Variants in UNC5C observed in about 807,000 individuals in gnomAD.
UNC5C encodes the protein unc-5 netrin receptor C.
UNC5C carries 47 observed loss-of-function variants against 99.8 expected under a neutral mutation model. That is an observed-to-expected ratio of 0.47 (90% CI 0.37 to 0.60). The LOEUF (loss-of-function observed/expected upper bound fraction) is 0.60. Among genes scored for constraint, UNC5C ranks in the 20% least tolerant of loss-of-function variants. The probability of loss-of-function intolerance (pLI) is 0.00; values close to 1 mark genes in which losing one functional copy is unlikely to be tolerated. For synonymous variants in UNC5C, 487 were observed against 452.2 expected (o/e 1.08, Z -0.98); for missense variants, 1,062 against 1,165.9 (o/e 0.91, Z 1.30).
intron 1 of UNC5C, among the ~76,000 whole-genome samples, chr4:95,445,952 CAAAG>C (rs1747088858): frequency 8.7e-6 from 1 of 114,780 alleles, no homozygotes; most frequent in South Asian, 3.1e-4. Flanking sequence ...TGGAAGATAA[CAAAG>C]AGCCTGCAAA....
intron 1 of UNC5C, among the ~76,000 whole-genome samples, chr4:95,407,352 A>G (rs1745859559): frequency 6.6e-6 from 1 of 152,086 alleles, no homozygotes; most frequent in Non-Finnish European, 1.5e-5. Context: ...TAAAACATAC[A>G]ATGGGATGTG....
intron 4 of UNC5C, among the ~76,000 whole-genome samples, chr4:95,266,914 C>T (rs535064914): frequency 4.6e-5 from 7 of 152,090 alleles, no homozygotes; most frequent in Admixed American, 6.5e-5. Flanking sequence ...CTTGACTTTC[C>T]GTAGTCATTT....
chr4:95,476,520 T>C (rs1045338883), intron 1 of UNC5C, among the ~76,000 whole-genome samples: 1 of 152,100 alleles, frequency 6.6e-6, no homozygotes, highest in Admixed American at 6.6e-5. Context: ...GGGTGTCCTT[T>C]AGTTTTTTTC....
chr4:95,534,404 G>A (rs1722725278), intron 1 of UNC5C, among the ~76,000 whole-genome samples: 1 of 152,062 alleles, frequency 6.6e-6, no homozygotes, highest in Admixed American at 6.6e-5. Flanking sequence ...GTTTTGTCTT[G>A]TTTTAATTTT....
At chr4:95,493,442 T>C (rs561087763) in intron 1 of UNC5C, among the ~76,000 whole-genome samples, 16 of 151,452 alleles carry the variant, frequency 1.1e-4, no homozygotes, top group Admixed American at 2.6e-4. Flanking sequence ...AGTTTTATTG[T>C]GTACACTCTA....
chr4:95,443,103 A>G (rs1746998553), intron 1 of UNC5C, among the ~76,000 whole-genome samples: 1 of 152,162 alleles, frequency 6.6e-6, no homozygotes, highest in African/African-American at 2.4e-5. Context: ...TTAATAAGGA[A>G]ATAATACAAA....
At chr4:95,201,894 A>G (rs192156259) in intron 12 of UNC5C, among the ~76,000 whole-genome samples, 415 of 152,062 alleles carry the variant, frequency 2.7e-3, no homozygotes, top group African/African-American at 3.6e-3. Flanking sequence ...GTGAGCCACC[A>G]CACCCGGCCG....
intron 5 of UNC5C, among the ~76,000 whole-genome samples, chr4:95,246,613 T>C (rs1739510434): frequency 6.6e-6 from 1 of 151,864 alleles, no homozygotes; most frequent in African/African-American, 2.4e-5. Flanking sequence ...AAAAGTAATG[T>C]TTATGGATAC....
chr4:95,464,150 C>T (rs1747698796), intron 1 of UNC5C, among the ~76,000 whole-genome samples: 1 of 152,164 alleles, frequency 6.6e-6, no homozygotes, highest in Non-Finnish European at 1.5e-5. Context: ...ATCTCATTTT[C>T]TTGATCCAAT....
rs1579191423 is a variant in UNC5C at position 95,169,028 on chromosome 4, CA to C, written c.*205del. The C allele has an allele frequency of 6.8e-6, 4 of 584,074 alleles. No individual in the cohort carries two copies. The East Asian group carries it at 1.2e-4, about 17-fold the overall frequency. The allele number at this position is 584,074 out of a possible 1,614,324, so 36.2% of individuals were successfully genotyped here. A position where few individuals can be genotyped will look rare whatever the true frequency, so the allele number is the denominator to read the frequency against. ...GCTAAATTCAAGGTACAAATTTACA[CA>C]ATTTTTCTTAACTCCCGTGATGATG... On this transcript the variant is annotated 3_prime_UTR_variant, in exon 16 of 16. Transcript: ENST00000453304.
In UNC5C at chr4:95,548,882, AG is replaced by A; in HGVS notation, c.-26del. On this transcript the variant is annotated 5_prime_UTR_variant, in exon 1 of 16. Coordinates refer to ENST00000453304, the MANE Select transcript of UNC5C (RefSeq NM_003728.4). Reference sequence around the variant, plus strand: ...TCGTAGACAGAGGTGTGCCGGGGGGAGGGGAGGGGGACAGAGAGACGCGCAA... The same window carrying A: ...TCGTAGACAGAGGTGTGCCGGGGGGAGGGAGGGGGACAGAGAGACGCGCAA... 1 of 1,599,174 alleles carries A rather than the reference AG, an allele frequency of 6.3e-7. No individual in the cohort carries two copies. The highest frequency in any genetic ancestry group is 8.5e-7 in the Non-Finnish European group (1 of 1,171,830).
At chr4:95,527,579 A>G (rs1722531256) in intron 1 of UNC5C, among the ~76,000 whole-genome samples, 1 of 152,098 alleles carries the variant, frequency 6.6e-6, no homozygotes, top group Non-Finnish European at 1.5e-5. Flanking sequence ...AGTTGTGTGC[A>G]TATATATTTA....
At chr4:95,534,154 AC>A (rs1397882132) in intron 1 of UNC5C, among the ~76,000 whole-genome samples, 1 of 152,218 alleles carries the variant, frequency 6.6e-6, no homozygotes. Context: ...AAGAGTGTTA[AC>A]CTGATTTTCG....
At chr4:95,323,765 C>T (rs1165491162) in intron 2 of UNC5C, among the ~76,000 whole-genome samples, 6 of 152,114 alleles carry the variant, frequency 3.9e-5, no homozygotes, top group Admixed American at 2.6e-4. Flanking sequence ...GGGTCAGGTG[C>T]GGTGGCTCAT....
At chr4:95,545,309 G>A (rs750070636) in intron 1 of UNC5C, among the ~76,000 whole-genome samples, 2 of 152,154 alleles carry the variant, frequency 1.3e-5, no homozygotes, top group Non-Finnish European at 2.9e-5. Flanking sequence ...AAGATTTTAA[G>A]CATTCTCTAA....
At chr4:95,265,354 T>G (rs1020087271) in intron 4 of UNC5C, among the ~76,000 whole-genome samples, 49 of 152,214 alleles carry the variant, frequency 3.2e-4, no homozygotes, top group Admixed American at 3.2e-3. Flanking sequence ...TGTGAATCCA[T>G]CACAATATCT....
At chr4:95,428,933 G>T (rs1224193142) in intron 1 of UNC5C, among the ~76,000 whole-genome samples, 1 of 152,030 alleles carries the variant, frequency 6.6e-6, no homozygotes, top group African/African-American at 2.4e-5. Flanking sequence ...GCACCACCCA[G>T]ATCCTTAACT....
At chr4:95,546,203 T>G (rs1723059703) in intron 1 of UNC5C, among the ~76,000 whole-genome samples, 1 of 152,184 alleles carries the variant, frequency 6.6e-6, no homozygotes. Context: ...ATTTGGATCT[T>G]TAAGTCATCA....
chr4:95,196,130 C>T (rs561387205), intron 12 of UNC5C, among the ~76,000 whole-genome samples: 4 of 152,220 alleles, frequency 2.6e-5, no homozygotes, highest in South Asian at 2.1e-4. Flanking sequence ...TCCACATAGA[C>T]GTATGTTTCT....
Sources: allele counts gnomAD v4.1 joint callset (sites outside exome capture counted in the v4.1 genomes callset), GRCh38; gene constraint gnomAD v4.1.1; transcripts MANE v1.5; gene names NCBI Gene and HGNC (gene_info 2026-07-23, HGNC 2026-07-21).